Variants in LIN28B observed in about 807,000 individuals in gnomAD.
The protein encoded by LIN28B is protein lin-28 homolog B.
LIN28B carries 5 observed loss-of-function variants against 21.9 expected under a neutral mutation model. The observed-to-expected ratio is 0.23, with a 90% confidence interval of 0.12 to 0.48. The LOEUF is 0.48. LIN28B is among the 20% of genes least tolerant of loss of function. The pLI, the probability that LIN28B is intolerant of heterozygous loss-of-function variation, is 0.98. For missense variants in LIN28B, 245 were observed against 310.5 expected, an observed-to-expected ratio of 0.79 and a Z score of 1.58; for synonymous variants, 109 against 111.3, an observed-to-expected ratio of 0.98 and a Z score of 0.13.
At chr6:105,077,867 A>G (rs1772466299) in intron 3 of LIN28B, among the ~76,000 whole-genome samples, 1 of 152,212 alleles carries the variant, frequency 6.6e-6, no homozygotes, top group Non-Finnish European at 1.5e-5. Context: ...TTAATTTTAT[A>G]CAAAGGAAAA....
At chr6:104,991,223 C>G (rs1327647614) in intron 2 of LIN28B, among the ~76,000 whole-genome samples, 1 of 149,992 alleles carries the variant, frequency 6.7e-6, no homozygotes, top group African/African-American at 2.5e-5. Flanking sequence ...GGTGGCTGGC[C>G]GGGCGGGGGC....
Position 105,076,268 on chromosome 6 carries a change from T to A in LIN28B, c.384-2146T>A, listed in dbSNP as rs557761291. 6.9e-4 allele frequency among the ~76,000 whole-genome samples: 105 copies of A among 152,310 alleles called. 2 individuals carry two copies. The highest frequency in any genetic ancestry group is 5.4e-4 in the Non-Finnish European group (37 of 68,008). ...TTTGAAAATATGATTCAGTCTGTCC[T>A]AAGATAAATACTTGTTAATCATTGC... On this transcript the variant is annotated intron_variant, in intron 3 of 3. Transcript: ENST00000345080.
At chr6:104,997,599 A>T (rs1437632379) in intron 2 of LIN28B, among the ~76,000 whole-genome samples, 1 of 151,614 alleles carries the variant, frequency 6.6e-6, no homozygotes, top group African/African-American at 2.4e-5. Flanking sequence ...AAGTTGCAAT[A>T]TAGACCTGAC....
intron 3 of LIN28B, among the ~76,000 whole-genome samples, chr6:105,029,892 T>G (rs1285606446): frequency 6.6e-6 from 1 of 151,930 alleles, no homozygotes; most frequent in Non-Finnish European, 1.5e-5. Context: ...GTATAAAGAG[T>G]GAAGACATTG....
intron 2 of LIN28B, among the ~76,000 whole-genome samples, chr6:105,012,176 A>T (rs1770936722): frequency 6.7e-6 from 1 of 149,236 alleles, no homozygotes; most frequent in Non-Finnish European, 1.5e-5. Context: ...AATAAAATAA[A>T]CCGACCTTGG....
At chr6:105,056,038 A>G (rs1385617411) in intron 3 of LIN28B, among the ~76,000 whole-genome samples, 2 of 151,442 alleles carry the variant, frequency 1.3e-5, no homozygotes, top group Admixed American at 6.6e-5. Context: ...TGGGATTACA[A>G]GCATGAGCCA....
chr6:104,967,157 T>C (rs1427314412), intron 2 of LIN28B, among the ~76,000 whole-genome samples: 4 of 152,062 alleles, frequency 2.6e-5, no homozygotes, highest in Non-Finnish European at 5.9e-5. Context: ...TTAATTCATA[T>C]GCATTTTACT....
chr6:105,032,389 C>T (rs1165900255), intron 3 of LIN28B, among the ~76,000 whole-genome samples: 3 of 152,078 alleles, frequency 2.0e-5, no homozygotes, highest in Non-Finnish European at 2.9e-5. Context: ...TGTGAGAGTT[C>T]GAACTGCCAC....
At position 105,029,498 on chromosome 6, in the gene LIN28B, A is replaced by G. The variant is rs560054224; in HGVS notation, c.383+3016A>G. Among the ~76,000 whole-genome samples the G allele has an allele frequency of 3.9e-4, 60 of 152,262 alleles. 1 individual carries two copies. The South Asian group carries it at 0.012, about 31-fold the overall frequency. On this transcript the variant is annotated intron_variant, in intron 3 of 3. Coordinates refer to ENST00000345080, the MANE Select transcript of LIN28B (RefSeq NM_001004317.4). ...GGTGGTAGATAGATATGAAGGTAGG[A>G]TAAGGCGAGATTTCTCTTTTTTATG... is the stretch of plus-strand genomic sequence containing the variant.
chr6:104,947,925 A>G (rs1448566848), intron 2 of LIN28B, among the ~76,000 whole-genome samples: 1 of 152,148 alleles, frequency 6.6e-6, no homozygotes, highest in East Asian at 1.9e-4. Context: ...CACAGAGCAT[A>G]GAGTTCAGTT....
intron 2 of LIN28B, among the ~76,000 whole-genome samples, chr6:104,989,765 T>C (rs978689015): frequency 2.0e-5 from 3 of 151,894 alleles, no homozygotes; most frequent in African/African-American, 4.8e-5. Context: ...CTAATTTTTG[T>C]ATTTTTAGTA....
intron 2 of LIN28B, among the ~76,000 whole-genome samples, chr6:104,969,238 A>G (rs1247091657): frequency 1.3e-5 from 2 of 152,172 alleles, no homozygotes; most frequent in Non-Finnish European, 2.9e-5. Flanking sequence ...CAGTCTAAGG[A>G]CACTTGGATT....
chr6:105,014,262 T>G (rs1582896137), intron 2 of LIN28B, among the ~76,000 whole-genome samples: 1 of 152,280 alleles, frequency 6.6e-6, no homozygotes, highest in Middle Eastern at 3.4e-3. Flanking sequence ...ATCCTCCCAC[T>G]TCAGCCTCCC....
intron 2 of LIN28B, among the ~76,000 whole-genome samples, chr6:104,962,463 A>AT (rs1233062350): frequency 1.3e-5 from 2 of 152,060 alleles, no homozygotes; most frequent in Non-Finnish European, 2.9e-5. Flanking sequence ...AAGGCTTTAT[A>AT]TATTTTATGT....
intron 3 of LIN28B, among the ~76,000 whole-genome samples, chr6:105,035,477 TC>T (rs777246743): frequency 2.6e-5 from 4 of 152,138 alleles, no homozygotes; most frequent in Non-Finnish European, 2.9e-5. Context: ...AAGGTCAACA[TC>T]TGAGGGCAGG....
intron 2 of LIN28B, among the ~76,000 whole-genome samples, chr6:104,972,328 C>T (rs1306587707): frequency 1.3e-5 from 2 of 151,828 alleles, no homozygotes; most frequent in African/African-American, 2.4e-5. Context: ...GGAAGTGCTA[C>T]CTTGGTTTTT....
intron 2 of LIN28B, among the ~76,000 whole-genome samples, chr6:104,970,689 CAT>C (rs1769958847): frequency 1.3e-5 from 2 of 152,048 alleles, no homozygotes; most frequent in South Asian, 4.1e-4. Flanking sequence ...TCTCAGAACT[CAT>C]AGTGTAGAGA....
intron 3 of LIN28B, among the ~76,000 whole-genome samples, chr6:105,049,903 G>T (rs978854055): frequency 6.6e-6 from 1 of 152,114 alleles, no homozygotes; most frequent in African/African-American, 2.4e-5. Flanking sequence ...GTCTCTGCAC[G>T]TGAGATGGGT....
intron 2 of LIN28B, among the ~76,000 whole-genome samples, chr6:104,992,753 T>C (rs1770518513): frequency 1.3e-5 from 2 of 151,484 alleles, no homozygotes; most frequent in South Asian, 4.2e-4. Flanking sequence ...CAAGTGGTCC[T>C]CCTACCTTGG....
Sources: gnomAD v4.1 joint callset for allele counts (sites outside exome capture counted in the v4.1 genomes callset) on GRCh38, gnomAD v4.1.1 for gene constraint, MANE v1.5 for transcripts, NCBI Gene and HGNC (gene_info 2026-07-23, HGNC 2026-07-21) for gene names.